Variants in GRHL2 observed in about 807,000 individuals in gnomAD.
GRHL2 encodes the protein grainyhead-like protein 2 homolog.
Under a neutral mutation model 83.8 loss-of-function variants are expected in GRHL2, and 21 were observed. That is an observed-to-expected ratio of 0.25 (90% CI 0.18 to 0.36). The LOEUF is 0.36. Ranked by LOEUF, GRHL2 falls within the 10% of genes least tolerant of loss-of-function variation. The pLI is 1.00. For synonymous variants in GRHL2, 280 were observed against 278.9 expected (o/e 1.00, Z -0.04); for missense variants, 623 against 781.8 (o/e 0.80, Z 2.42).
At chr8:101,529,759 G>A (rs1464950853) in intron 1 of GRHL2, among the ~76,000 whole-genome samples, 1 of 152,146 alleles carries the variant, frequency 6.6e-6, no homozygotes, top group Non-Finnish European at 1.5e-5. Context: ...TATTAAAAGT[G>A]AAGAGTTAGA....
At chr8:101,681,184 A>T in the GRHL2 span, among the ~76,000 whole-genome samples, 2 of 137,354 alleles carry the variant, frequency 1.5e-5, no homozygotes, top group African/African-American at 5.8e-5. Flanking sequence ...CGCTAGCAAG[A>T]CTAATAAAGA....
chr8:101,539,128 A>G (rs186673842), intron 1 of GRHL2, among the ~76,000 whole-genome samples: 2 of 152,208 alleles, frequency 1.3e-5, no homozygotes, highest in African/African-American at 4.8e-5. Flanking sequence ...ATCAGGACAC[A>G]TCTTAGTGTA....
chr8:101,619,615 A>T lies in GRHL2; in HGVS notation c.1175A>T (p.Gln392Leu), dbSNP rs1337376768. 6.2e-7 allele frequency: 1 copy of T among 1,612,916 alleles called. No individual in the cohort carries two copies. Among genetic ancestry groups the T allele is most frequent in the Admixed American group, 1.7e-5 (1 of 60,024 alleles). The change falls in exon 9 of 16, where the codon CAG becomes CTG. Residue 392 changes from glutamine to leucine, a missense_variant. Gln to Leu is a moderately radical substitution (Grantham distance 113). Transcript: ENST00000646743. Reference sequence around the variant, plus strand: ...GTGAAAGGACTTCCTTTGATGATTCAGATTGACACATACAGTTATAACAAT... The same window carrying T: ...GTGAAAGGACTTCCTTTGATGATTCTGATTGACACATACAGTTATAACAAT... ...KGVKGLPLMI[Q>L]IDTYSYNNRS...
intron 14 of GRHL2, among the ~76,000 whole-genome samples, chr8:101,660,226 T>C (rs2129750160): frequency 6.6e-6 from 1 of 152,044 alleles, no homozygotes; most frequent in Admixed American, 6.5e-5. Flanking sequence ...AGTTTTATGA[T>C]TGCTGTAGCT....
At chr8:101,585,475 A>G (rs1466344234) in intron 7 of GRHL2, among the ~76,000 whole-genome samples, 1 of 152,210 alleles carries the variant, frequency 6.6e-6, no homozygotes, top group Non-Finnish European at 1.5e-5. Context: ...GAGCTCAGTC[A>G]GAAGAGCGAG....
chr8:101,497,603 T>C (rs1810134516), intron 1 of GRHL2, among the ~76,000 whole-genome samples: 2 of 152,218 alleles, frequency 1.3e-5, no homozygotes, highest in South Asian at 2.1e-4. Context: ...ATATAAAATA[T>C]CATCTGAGGC....
intron 7 of GRHL2, among the ~76,000 whole-genome samples, chr8:101,588,380 T>C (rs7823289): frequency 0.5 from 75,868 of 152,046 alleles, 20,249 homozygotes; most frequent in Non-Finnish European, 0.6. Flanking sequence ...TCAGAATTGA[T>C]GAAAAATAAG....
At position 101,669,246 on chromosome 8, in the gene GRHL2, A is replaced by ATT. The variant is rs1296511438; in HGVS notation, c.*2549_*2550dup. On this transcript the variant is annotated 3_prime_UTR_variant, in exon 16 of 16. Transcript: ENST00000646743. ...AAGATCATGGACATGTGAAATGAGC[A>ATT]TTTTTTTCTTTTTTTTTTTTAACAA... 15 of 9,728 alleles carry ATT rather than the reference A, an allele frequency of 1.5e-3. No homozygotes were observed. The highest frequency in any genetic ancestry group is 6.1e-3 in the African/African-American group (15 of 2,454). 0.6% of individuals were successfully genotyped at this position (9,728 alleles called of 1,614,324 possible). A position where few individuals can be genotyped will look rare whatever the true frequency, so the allele number is the denominator to read the frequency against.
intron 8 of GRHL2, among the ~76,000 whole-genome samples, chr8:101,613,522 T>C (rs1472067193): frequency 6.6e-6 from 1 of 150,826 alleles, no homozygotes; most frequent in East Asian, 1.9e-4. Flanking sequence ...AATACATGCA[T>C]AAAAAAATAG....
Position 101,613,239 on chromosome 8 carries a change from G to A in GRHL2, c.1099-6300G>A, listed in dbSNP as rs1436198121. ...ACAGTAGAGTATGTGAGTCCACCAA[G>A]CATGCATCTGCGTGTATACATACAT... is the stretch of plus-strand genomic sequence containing the variant. On this transcript the variant is annotated intron_variant, in intron 8 of 15. Transcript: ENST00000646743. 1.3e-5 allele frequency among the ~76,000 whole-genome samples: 2 copies of A among 150,804 alleles called. 1 individual carries two copies. The highest frequency in any genetic ancestry group is 5.0e-5 in the African/African-American group (2 of 40,294).
chr8:101,604,847 C>T (rs186634175), intron 8 of GRHL2, among the ~76,000 whole-genome samples: 5 of 152,280 alleles, frequency 3.3e-5, no homozygotes, highest in Admixed American at 3.3e-4. Context: ...TTAGAAAAGT[C>T]TATTATAATT....
chr8:101,635,701 G>A (rs1813271294), intron 11 of GRHL2, among the ~76,000 whole-genome samples: 2 of 152,074 alleles, frequency 1.3e-5, no homozygotes, highest in Non-Finnish European at 2.9e-5. Context: ...GAGACTTGTT[G>A]TGGGGAGAAA....
chr8:101,647,805 C>T (rs924133129), intron 13 of GRHL2, among the ~76,000 whole-genome samples: 1 of 151,142 alleles, frequency 6.6e-6, no homozygotes, highest in East Asian at 1.9e-4. Context: ...GAAATGCAGG[C>T]AGAAGCCACA....
intron 1 of GRHL2, among the ~76,000 whole-genome samples, chr8:101,494,933 G>C (rs2129948224): frequency 6.6e-6 from 1 of 152,264 alleles, no homozygotes; most frequent in South Asian, 2.1e-4. Context: ...AAAAGTAATC[G>C]TTACAATGGT....
At chr8:101,526,787 C>T (rs757830971) in intron 1 of GRHL2, among the ~76,000 whole-genome samples, 4 of 152,056 alleles carry the variant, frequency 2.6e-5, no homozygotes, top group South Asian at 2.1e-4. Flanking sequence ...TGCTGTATTT[C>T]GGTATGCAGT....
intron 14 of GRHL2, among the ~76,000 whole-genome samples, chr8:101,659,155 C>T (rs1035364930): frequency 3.3e-5 from 5 of 152,212 alleles, no homozygotes; most frequent in African/African-American, 1.2e-4. Context: ...ATGGGTGAGA[C>T]TAATAACAAC....
rs183364726 is a variant in GRHL2, at chr8:101,664,799, G to A, written c.1763+281G>A. On this transcript the variant is annotated intron_variant, in intron 15 of 15. Transcript: ENST00000646743. ...GGTCTGGAGGTGCTGTGGACACTGG[G>A]GAGAATGGCAAAATCACCTTTCTGC... Among the ~76,000 whole-genome samples, 6 of 152,144 alleles carry A rather than the reference G, an allele frequency of 3.9e-5. No homozygotes were observed. The East Asian group carries it at 1.2e-3, about 30-fold the overall frequency.
At chr8:101,615,424 C>T (rs554518043) in intron 8 of GRHL2, among the ~76,000 whole-genome samples, 1 of 152,170 alleles carries the variant, frequency 6.6e-6, no homozygotes, top group Non-Finnish European at 1.5e-5. Context: ...CCATGAATCT[C>T]AATAGCTTAG....
chr8:101,555,669 C>T (rs555264509), intron 3 of GRHL2, among the ~76,000 whole-genome samples: 22 of 152,246 alleles, frequency 1.4e-4, no homozygotes, highest in Non-Finnish European at 2.4e-4. Flanking sequence ...GATTTGATCA[C>T]GAAATCAGGT....
Sources: gnomAD v4.1 joint callset for allele counts (sites outside exome capture counted in the v4.1 genomes callset) on GRCh38, gnomAD v4.1.1 for gene constraint, MANE v1.5 for transcripts, NCBI Gene and HGNC (gene_info 2026-07-23, HGNC 2026-07-21) for gene names.